ABLIM1: variants seen among roughly 807,000 people sequenced by gnomAD.
The protein encoded by ABLIM1 is actin binding LIM protein 1.
A neutral mutation model predicts 107.0 loss-of-function variants in ABLIM1; 40 were observed. That is an observed-to-expected ratio of 0.37 (90% CI 0.29 to 0.49). ABLIM1 has a LOEUF of 0.49. Among genes scored for constraint, ABLIM1 ranks in the 20% least tolerant of loss-of-function variants. ABLIM1 has a pLI of 0.97. For missense variants in ABLIM1, 857 were observed against 1,008.5 expected, an observed-to-expected ratio of 0.85 and a Z score of 2.04; for synonymous variants, 357 against 357.3, an observed-to-expected ratio of 1.00 and a Z score of 0.01.
intron 1 of ABLIM1, among the ~76,000 whole-genome samples, chr10:114,624,318 T>A (rs745775101): frequency 6.6e-6 from 1 of 152,184 alleles, no homozygotes; most frequent in Admixed American, 6.5e-5. Context: ...GGGCTGTGAA[T>A]GCGATGGCAA....
At chr10:114,625,583 G>A (rs569212100) in intron 1 of ABLIM1, among the ~76,000 whole-genome samples, 3 of 152,206 alleles carry the variant, frequency 2.0e-5, no homozygotes, top group Admixed American at 6.5e-5. Context: ...GAAGGGATGC[G>A]CCTTCAAGGA....
At chr10:114,566,562 T>C (rs1391176386) in intron 4 of ABLIM1, among the ~76,000 whole-genome samples, 1 of 152,254 alleles carries the variant, frequency 6.6e-6, no homozygotes, top group South Asian at 2.1e-4. Context: ...TTTTTAAAAA[T>C]ATGAATCAGC....
intron 6 of ABLIM1, among the ~76,000 whole-genome samples, chr10:114,497,077 AAGG>A (rs1051269472): frequency 5.3e-5 from 8 of 151,942 alleles, no homozygotes; most frequent in African/African-American, 7.3e-5. Context: ...TTTTTAGGAG[AAGG>A]AGAAGTATTT....
chr10:114,781,664 G>GTATATA, the ABLIM1 span, among the ~76,000 whole-genome samples: 4,318 of 143,206 alleles, frequency 0.03, 71 homozygotes, highest in African/African-American at 0.039. Flanking sequence ...ATATATGCGT[G>GTATATA]TATATATATA....
Position 114,432,730 on chromosome 10 carries a change from A to G in ABLIM1, c.*3530T>C, listed in dbSNP as rs2058983869. On this transcript the variant is annotated 3_prime_UTR_variant, in exon 23 of 23. Transcript: ENST00000533213. Reference sequence around the variant, plus strand: ...CCTCAGAAGAGGAAACTCAGCTTGGAGATGACAGAATTGGGTAGCGGAGTA... The same window carrying G: ...CCTCAGAAGAGGAAACTCAGCTTGGGGATGACAGAATTGGGTAGCGGAGTA... The G allele has an allele frequency of 1.3e-5, 2 of 152,176 alleles. No individual in the cohort carries two copies. Among genetic ancestry groups the G allele is most frequent in the Non-Finnish European group, 2.9e-5 (2 of 68,038 alleles). The allele number at this position is 152,176 out of a possible 1,614,324, so 9.4% of individuals were successfully genotyped here.
intron 1 of ABLIM1, among the ~76,000 whole-genome samples, chr10:114,622,200 A>G (rs1188720787): frequency 6.6e-6 from 1 of 151,352 alleles, no homozygotes; most frequent in Non-Finnish European, 1.5e-5. Flanking sequence ...AGATACTCCA[A>G]TGAGGAACAA....
At chr10:114,526,091 C>T (rs1193219816) in intron 6 of ABLIM1, among the ~76,000 whole-genome samples, 1 of 152,128 alleles carries the variant, frequency 6.6e-6, no homozygotes, top group African/African-American at 2.4e-5. Flanking sequence ...CAACCTAGAG[C>T]CGCAATAAAA....
intron 1 of ABLIM1, among the ~76,000 whole-genome samples, chr10:114,622,293 C>A (rs546933998): frequency 6.8e-6 from 1 of 146,344 alleles, no homozygotes; most frequent in Non-Finnish European, 1.5e-5. Flanking sequence ...ATTGCCCGGG[C>A]TGGAGTGCAA....
intron 1 of ABLIM1, among the ~76,000 whole-genome samples, chr10:114,624,004 C>T (rs1566124327): frequency 6.6e-6 from 1 of 152,320 alleles, no homozygotes; most frequent in Non-Finnish European, 1.5e-5. Context: ...AATTTTCGCT[C>T]TCCCCACTGT....
intron 8 of ABLIM1, among the ~76,000 whole-genome samples, chr10:114,485,704 T>A (rs2058088650): frequency 6.6e-6 from 1 of 152,198 alleles, no homozygotes; most frequent in South Asian, 2.1e-4. Flanking sequence ...TCCTTGAGAA[T>A]CTGTTGTTAC....
At chr10:114,639,760 G>GT (rs1173753197) in intron 1 of ABLIM1, among the ~76,000 whole-genome samples, 1 of 152,222 alleles carries the variant, frequency 6.6e-6, no homozygotes, top group Non-Finnish European at 1.5e-5. Context: ...CTTGTGTTTT[G>GT]TAAGTGAAGT....
chr10:114,712,585 G>A (rs756039608), intron 1 of ABLIM1, among the ~76,000 whole-genome samples: 4 of 152,088 alleles, frequency 2.6e-5, no homozygotes, highest in Non-Finnish European at 5.9e-5. Flanking sequence ...CCAGCTCCCC[G>A]AAGCCATGCT....
chr10:114,744,748 G>C (rs1475657348), intron 1 of ABLIM1, among the ~76,000 whole-genome samples: 1 of 152,122 alleles, frequency 6.6e-6, no homozygotes, highest in Non-Finnish European at 1.5e-5. Flanking sequence ...AGCAACACCA[G>C]GCTCTGGGCC....
At chr10:114,700,846 A>T (rs2081294500) in intron 1 of ABLIM1, among the ~76,000 whole-genome samples, 1 of 152,192 alleles carries the variant, frequency 6.6e-6, no homozygotes, top group Admixed American at 6.5e-5. Context: ...TGTCATAAAA[A>T]TATAGAATAC....
chr10:114,744,342 G>A lies in ABLIM1; in HGVS notation c.-213+23719C>T, dbSNP rs75661217. On this transcript the variant is annotated intron_variant, in intron 1 of 15. Coordinates refer to the ABLIM1 transcript ENST00000651092. ...CAGCAGTGTTTCTCAACCATCTGGG[G>A]AGAAGAACCCAGGCACTGCTTTAAT... Among the ~76,000 whole-genome samples the A allele has an allele frequency of 2.1e-3, 321 of 152,250 alleles. 9 individuals are homozygous for A. The East Asian group carries it at 0.054, about 25-fold the overall frequency.
chr10:114,743,125 GT>G (rs2082319570), intron 1 of ABLIM1, among the ~76,000 whole-genome samples: 1 of 152,170 alleles, frequency 6.6e-6, no homozygotes. Flanking sequence ...GGTATAAGTA[GT>G]AGCATTAATA....
At chr10:114,704,279 T>TCG (rs1289578057) in intron 1 of ABLIM1, among the ~76,000 whole-genome samples, 2 of 23,978 alleles carry the variant, frequency 8.3e-5, no homozygotes, top group Non-Finnish European at 1.9e-4. Context: ...TCGCTCTCTC[T>TCG]CTCTCTCTCT....
chr10:114,723,126 A>C (rs1374270568), intron 1 of ABLIM1, among the ~76,000 whole-genome samples: 1 of 152,216 alleles, frequency 6.6e-6, no homozygotes, highest in African/African-American at 2.4e-5. Context: ...TGCATACCAG[A>C]ATGTGGATTT....
At chr10:114,512,522 T>G (rs949252676) in intron 6 of ABLIM1, among the ~76,000 whole-genome samples, 1 of 152,002 alleles carries the variant, frequency 6.6e-6, no homozygotes, top group Admixed American at 6.6e-5. Context: ...TAAATTGGGA[T>G]TAGAAGGATA....
Sources: gnomAD v4.1 joint callset for allele counts (sites outside exome capture counted in the v4.1 genomes callset) on GRCh38, gnomAD v4.1.1 for gene constraint, MANE v1.5 for transcripts, NCBI Gene and HGNC (gene_info 2026-07-23, HGNC 2026-07-21) for gene names.